The following PRELID2 variants were observed in gnomAD, a reference collection of about 807,000 sequenced individuals.
The protein encoded by PRELID2 is PRELI domain containing 2.
In PRELID2, 25 loss-of-function variants were observed where a neutral mutation model predicts 28.4. The ratio of observed to expected loss-of-function variants is 0.88; its 90% confidence interval spans 0.64 to 1.23. The LOEUF is 1.23. PRELID2 is among the 50% of genes most tolerant of loss of function. The probability of loss-of-function intolerance (pLI) is 0.00; values close to 1 mark genes in which losing one functional copy is unlikely to be tolerated. For missense variants in PRELID2, 201 were observed against 214.4 expected (o/e 0.94, Z 0.39); for synonymous variants, 76 against 71.6 (o/e 1.06, Z -0.31).
chr5:145,567,508 G>GCTGAAAT (rs1235311825), intron 1 of PRELID2, among the ~76,000 whole-genome samples: 22 of 152,130 alleles, frequency 1.4e-4, no homozygotes, highest in African/African-American at 4.3e-4. Flanking sequence ...CTCCCAAGTA[G>GCTGAAAT]CTGAAATTAC....
At chr5:145,529,011 T>A (rs972136933) in intron 1 of PRELID2, among the ~76,000 whole-genome samples, 1 of 152,142 alleles carries the variant, frequency 6.6e-6, no homozygotes, top group African/African-American at 2.4e-5. Context: ...CTCCCTCCGT[T>A]TTCCCTGCTA....
At chr5:145,467,362 G>A (rs1403739330), downstream of PRELID2, among the ~76,000 whole-genome samples, 3 of 151,936 alleles carry the variant, frequency 2.0e-5, no homozygotes, top group South Asian at 6.2e-4. Flanking sequence ...GTCATAAAAC[G>A]ACAACACTGA....
the PRELID2 span, among the ~76,000 whole-genome samples, chr5:145,270,536 C>A: frequency 6.6e-6 from 1 of 151,982 alleles, no homozygotes; most frequent in African/African-American, 2.4e-5. Flanking sequence ...AACAAATGTG[C>A]GGTTCTAGAA....
At chr5:145,710,549 T>G (rs1022570103) in intron 1 of PRELID2, among the ~76,000 whole-genome samples, 4 of 152,218 alleles carry the variant, frequency 2.6e-5, no homozygotes, top group African/African-American at 9.6e-5. Context: ...AGAGGAATTC[T>G]TCTCCCCTGA....
At chr5:145,600,801 T>C (rs919347175) in intron 1 of PRELID2, among the ~76,000 whole-genome samples, 1 of 151,996 alleles carries the variant, frequency 6.6e-6, no homozygotes, top group South Asian at 2.1e-4. Context: ...AATCAGCATA[T>C]GAAATATTAT....
rs563010881 is a variant in PRELID2 at position 145,802,842 on chromosome 5, T to C, written c.369-6295A>G. 9.5e-4 allele frequency among the ~76,000 whole-genome samples: 145 copies of C among 152,316 alleles called. 1 individual carries two copies. The highest frequency in any genetic ancestry group is 3.4e-3 in the African/African-American group (140 of 41,582). ...AGTCATTTAAAAATTTGTTTTCTTC[T>C]GGATTTGAGAAAATAAAAAAGTTCA... On this transcript the variant is annotated intron_variant, in intron 4 of 6. Coordinates refer to ENST00000683046, the MANE Select transcript of PRELID2 (RefSeq NM_205846.3).
At position 145,572,346 on chromosome 5, in the gene PRELID2, C is replaced by T. The variant is rs574243395; in HGVS notation, n.71-99031G>A. ...TTCCCAGGATCTCCTGGGGCTGTGT[C>T]ACTGGCAATTGGTCATTCATAACTT... On this transcript the variant is annotated intron_variant and non_coding_transcript_variant, in intron 1 of 2. Coordinates refer to the PRELID2 transcript ENST00000510259. Among the ~76,000 whole-genome samples, 12 of 152,284 alleles carry T rather than the reference C, an allele frequency of 7.9e-5. 1 individual carries two copies. The highest frequency in any genetic ancestry group is 2.9e-4 in the African/African-American group (12 of 41,570).
At chr5:145,419,698 G>C in the PRELID2 span, among the ~76,000 whole-genome samples, 1 of 152,096 alleles carries the variant, frequency 6.6e-6, no homozygotes, top group African/African-American at 2.4e-5. Flanking sequence ...CACTCTGATG[G>C]TAGTTTGTTT....
the PRELID2 span, among the ~76,000 whole-genome samples, chr5:145,282,639 C>A: frequency 6.6e-6 from 1 of 151,982 alleles, no homozygotes; most frequent in Non-Finnish European, 1.5e-5. Flanking sequence ...CCCATCTCAG[C>A]CTCCTGAGTA....
chr5:145,796,559 A>C lies in PRELID2; in HGVS notation c.369-12T>G. The C allele has an allele frequency of 6.5e-7, 1 of 1,537,426 alleles. No individual in the cohort carries two copies. Among genetic ancestry groups the C allele is most frequent in the African/African-American group, 1.4e-5 (1 of 72,752 alleles). On this transcript the variant is annotated splice_polypyrimidine_tract_variant and intron_variant, in intron 4 of 6. Coordinates refer to ENST00000683046, the MANE Select transcript of PRELID2 (RefSeq NM_205846.3). Reference sequence around the variant, plus strand: ...GAATGAACTCTGTCCTGCAAAAAAAACAAAAAACACATCTTTGATGTCATT... The same window carrying C: ...GAATGAACTCTGTCCTGCAAAAAAACCAAAAAACACATCTTTGATGTCATT...
At chr5:145,574,460 C>T (rs572887684) in intron 1 of PRELID2, among the ~76,000 whole-genome samples, 15 of 152,316 alleles carry the variant, frequency 9.8e-5, no homozygotes, top group Non-Finnish European at 1.6e-4. Context: ...CCAAACGTAA[C>T]CCTCTATCTA....
At chr5:145,770,341 C>A (rs1050191785) in intron 5 of PRELID2, among the ~76,000 whole-genome samples, 2 of 151,788 alleles carry the variant, frequency 1.3e-5, no homozygotes, top group Admixed American at 1.3e-4. Context: ...CATAGTAAGA[C>A]CCCTTCTCTA....
chr5:145,249,937 GTCTCTCTC>G, the PRELID2 span, among the ~76,000 whole-genome samples: 27 of 138,698 alleles, frequency 1.9e-4, no homozygotes, highest in African/African-American at 4.5e-4. Flanking sequence ...CTCTCTCTCT[GTCTCTCTC>G]TCTCTCTCTC....
the PRELID2 span, among the ~76,000 whole-genome samples, chr5:145,302,242 G>T: frequency 1.3e-4 from 20 of 151,540 alleles, no homozygotes; most frequent in Admixed American, 1.3e-3. Flanking sequence ...TCACATCAAG[G>T]CTTCTGCCTC....
chr5:145,553,191 CCCA>C (rs1024308274), intron 1 of PRELID2, among the ~76,000 whole-genome samples: 2 of 141,598 alleles, frequency 1.4e-5, no homozygotes, highest in African/African-American at 5.5e-5. Flanking sequence ...GACCCCCCCC[CCCA>C]AAAAAAAAGG....
chr5:145,428,169 A>G, the PRELID2 span, among the ~76,000 whole-genome samples: 5 of 152,138 alleles, frequency 3.3e-5, no homozygotes, highest in South Asian at 1.0e-3. Context: ...GTGTTGGTCA[A>G]ACTGGTCTCA....
At position 145,758,650 on chromosome 5, in the gene PRELID2, C is replaced by G. The variant is rs931575866; in HGVS notation, c.*1886G>C. 2.6e-5 allele frequency among the ~76,000 whole-genome samples: 4 copies of G among 152,278 alleles called. No individual in the cohort carries two copies. Among genetic ancestry groups the G allele is most frequent in the Admixed American group, 6.5e-5 (1 of 15,300 alleles). ...AATACAAATTTCTTGCCTCTCACTTCCACAATAATTTGCATCACCTTTTAT... is the reference window on the plus strand; with the variant it reads ...AATACAAATTTCTTGCCTCTCACTTGCACAATAATTTGCATCACCTTTTAT... On this transcript the variant is annotated 3_prime_UTR_variant, in exon 7 of 7. Transcript: ENST00000683046.
chr5:145,560,978 T>C (rs1447507075), intron 1 of PRELID2, among the ~76,000 whole-genome samples: 10 of 152,084 alleles, frequency 6.6e-5, no homozygotes, highest in Non-Finnish European at 1.0e-4. Flanking sequence ...GAACCACTCA[T>C]TTGGGAATCA....
chr5:145,492,927 G>A (rs1580957349), intron 1 of PRELID2, among the ~76,000 whole-genome samples: 1 of 140,804 alleles, frequency 7.1e-6, no homozygotes, highest in Non-Finnish European at 1.6e-5. Context: ...GGATCTGCCT[G>A]GTGCTGGGTG....
Sources: allele counts gnomAD v4.1 joint callset (sites outside exome capture counted in the v4.1 genomes callset), GRCh38; gene constraint gnomAD v4.1.1; transcripts MANE v1.5; gene names NCBI Gene and HGNC (gene_info 2026-07-23, HGNC 2026-07-21).